DMRT1: variants seen among roughly 807,000 people sequenced by gnomAD.
The protein encoded by DMRT1 is doublesex and mab-3 related transcription factor 1.
A neutral mutation model predicts 32.3 loss-of-function variants in DMRT1; 7 were observed. The observed-to-expected ratio is 0.22, with a 90% CI of 0.12 to 0.41. The LOEUF is 0.41. Among genes scored for constraint, DMRT1 ranks in the 10% least tolerant of loss-of-function variants. The pLI is 1.00. For synonymous variants in DMRT1, 278 were observed against 206.1 expected, an observed-to-expected ratio of 1.35 and a Z score of -2.99; for missense variants, 625 against 500.5, an observed-to-expected ratio of 1.25 and a Z score of -2.37.
At chr9:894,655 T>C (rs1817282591) in intron 3 of DMRT1, 1 of 269,238 alleles carries the variant, frequency 3.7e-6, no homozygotes, top group Non-Finnish European at 7.2e-6. Context: ...GTGATGAATT[T>C]GCACCTTGGG....
intron 3 of DMRT1, 63 bp downstream of exon 3, chr9:894,258 C>T: frequency 6.5e-7 from 1 of 1,543,414 alleles, no homozygotes; most frequent in Non-Finnish European, 8.9e-7. Context: ...TGTGCACACA[C>T]ATGCACATAC....
intron 3 of DMRT1, among the ~76,000 whole-genome samples, chr9:903,315 C>T (rs1442849095): frequency 2.6e-5 from 4 of 151,476 alleles, no homozygotes; most frequent in African/African-American, 4.9e-5. Context: ...TGAATGCAGT[C>T]CCGGCTTTCT....
chr9:904,876 A>G (rs1817711746), intron 3 of DMRT1, among the ~76,000 whole-genome samples: 1 of 148,868 alleles, frequency 6.7e-6, no homozygotes, highest in Non-Finnish European at 1.5e-5. Flanking sequence ...AGGGAGGCGT[A>G]GGTTGCGGTG....
chr9:953,815 T>C (rs963279123), intron 4 of DMRT1, among the ~76,000 whole-genome samples: 2 of 152,242 alleles, frequency 1.3e-5, no homozygotes, highest in Admixed American at 6.5e-5. Flanking sequence ...CATTTATTCA[T>C]CAACTACTAT....
intron 2 of DMRT1, among the ~76,000 whole-genome samples, chr9:850,718 C>G (rs2132551166): frequency 7.1e-6 from 1 of 140,436 alleles, no homozygotes; most frequent in East Asian, 2.0e-4. Context: ...TTTTAGTGAC[C>G]TAGAATTCCA....
intron 4 of DMRT1, among the ~76,000 whole-genome samples, chr9:923,670 T>C (rs932310308): frequency 2.6e-5 from 4 of 151,776 alleles, no homozygotes; most frequent in East Asian, 3.9e-4. Context: ...CGAAGGAGAG[T>C]GGGGCAAAGA....
At chr9:882,158 A>G (rs1354500274) in intron 2 of DMRT1, among the ~76,000 whole-genome samples, 1 of 152,092 alleles carries the variant, frequency 6.6e-6, no homozygotes, top group African/African-American at 2.4e-5. Flanking sequence ...AGAGGCAGAA[A>G]CCCCTGCAGG....
chr9:895,864 G>A (rs1817336784), intron 3 of DMRT1, among the ~76,000 whole-genome samples: 1 of 150,046 alleles, frequency 6.7e-6, no homozygotes, highest in African/African-American at 2.5e-5. Context: ...GAGTACAGTG[G>A]CGCGATCTCG....
At chr9:852,721 T>G (rs567075793) in intron 2 of DMRT1, among the ~76,000 whole-genome samples, 1 of 152,262 alleles carries the variant, frequency 6.6e-6, no homozygotes, top group East Asian at 1.9e-4. Context: ...CCATCCACAC[T>G]CACATTCACC....
chr9:962,566 G>C (rs1819809332), intron 4 of DMRT1, among the ~76,000 whole-genome samples: 1 of 150,636 alleles, frequency 6.6e-6, no homozygotes, highest in Non-Finnish European at 1.5e-5. Context: ...GGGTGGGGTG[G>C]AGGTGGCACT....
At chr9:848,802 A>G (rs10977042) in intron 2 of DMRT1, among the ~76,000 whole-genome samples, 927 of 129,758 alleles carry the variant, frequency 7.1e-3, no homozygotes, top group Middle Eastern at 0.013. Context: ...TGATCCACCC[A>G]CCTCAGCTTC....
At chr9:858,303 T>G (rs1815490986) in intron 2 of DMRT1, among the ~76,000 whole-genome samples, 1 of 152,152 alleles carries the variant, frequency 6.6e-6, no homozygotes, top group Non-Finnish European at 1.5e-5. Context: ...CCTTGTATTG[T>G]GCTGCCTTAC....
At chr9:872,497 G>C (rs1376577574) in intron 2 of DMRT1, among the ~76,000 whole-genome samples, 2 of 152,124 alleles carry the variant, frequency 1.3e-5, no homozygotes, top group Non-Finnish European at 2.9e-5. Context: ...TCTTCCCCCA[G>C]CCTCTGGTAA....
intron 2 of DMRT1, among the ~76,000 whole-genome samples, chr9:854,989 A>T (rs911797887): frequency 1.4e-5 from 2 of 147,266 alleles, no homozygotes; most frequent in African/African-American, 5.0e-5. Context: ...GGATGGTCTC[A>T]ATCTCCTGAC....
chr9:967,996 C>G lies in DMRT1; in HGVS notation c.979C>G (p.Pro327Ala). 6.2e-7 allele frequency: 1 copy of G among 1,613,822 alleles called. No homozygotes were observed. The highest frequency in any genetic ancestry group is 8.5e-7 in the Non-Finnish European group (1 of 1,180,006). The change falls in exon 5 of 5, where the codon CCC (proline) becomes GCC (alanine). Residue 327 changes from proline (P) to alanine (A), a missense_variant. Physicochemically the swap from Pro to Ala is conservative, Grantham distance 27. This residue lies in a region of DMRT1 where 416 missense variants were observed against 321.6 expected (regional missense o/e 1.29). Coordinates refer to ENST00000382276, the MANE Select transcript of DMRT1 (RefSeq NM_021951.3). Reference protein sequence around the residue: ...PEARASVFSPPSSQDSGLVSL... With the variant: ...PEARASVFSPASSQDSGLVSL... ...ACCTCACTTCGCAGTATTCTCGCCG[C>G]CCAGCAGTCAAGATTCTGGCTTGGT...
intron 2 of DMRT1, among the ~76,000 whole-genome samples, chr9:879,420 T>G (rs1816642427): frequency 6.6e-6 from 1 of 152,224 alleles, no homozygotes; most frequent in Non-Finnish European, 1.5e-5. Context: ...TGTTTCACAT[T>G]TTTGCAAATC....
At chr9:940,692 A>G (rs973681263) in intron 4 of DMRT1, among the ~76,000 whole-genome samples, 1 of 152,188 alleles carries the variant, frequency 6.6e-6, no homozygotes, top group African/African-American at 2.4e-5. Context: ...GGAAAAAAAA[A>G]TTGGACTTGA....
At chr9:911,681 G>C (rs904427243) in intron 3 of DMRT1, among the ~76,000 whole-genome samples, 1 of 151,750 alleles carries the variant, frequency 6.6e-6, no homozygotes. Context: ...TAGTAGAGAC[G>C]GAGATTCACC....
chr9:897,894 AT>A (rs1291642182), intron 3 of DMRT1, among the ~76,000 whole-genome samples: 7 of 152,298 alleles, frequency 4.6e-5, no homozygotes, highest in Admixed American at 4.6e-4. Context: ...GTATGGATTG[AT>A]TTCTGTATCT....
Sources: gnomAD v4.1 joint callset for allele counts (sites outside exome capture counted in the v4.1 genomes callset) on GRCh38, gnomAD v4.1.1 for gene constraint, gnomAD v4.1.1 regional missense constraint, MANE v1.5 for transcripts, NCBI Gene and HGNC (gene_info 2026-07-23, HGNC 2026-07-21) for gene names.